The following TMEM132D variants were observed in gnomAD, a reference collection of about 807,000 sequenced individuals.
TMEM132D encodes the protein transmembrane protein 132D.
Under a neutral mutation model 62.3 loss-of-function variants are expected in TMEM132D, and 21 were observed. The observed-to-expected ratio is 0.34, with a 90% confidence interval of 0.24 to 0.49. The LOEUF (loss-of-function observed/expected upper bound fraction) is 0.49. Ranked by LOEUF, TMEM132D falls within the 20% of genes least tolerant of loss-of-function variation. The pLI is 0.99. For missense variants in TMEM132D, 1,346 were observed against 1,402.8 expected, an observed-to-expected ratio of 0.96 and a Z score of 0.65; for synonymous variants, 621 against 575.6, an observed-to-expected ratio of 1.08 and a Z score of -1.13.
chr12:129,580,848 A>T (rs1877836031), intron 2 of TMEM132D, among the ~76,000 whole-genome samples: 1 of 152,232 alleles, frequency 6.6e-6, no homozygotes. Context: ...CATGGGCAGG[A>T]GTCTGATATG....
intron 2 of TMEM132D, among the ~76,000 whole-genome samples, chr12:129,537,731 T>C (rs1028448962): frequency 6.6e-6 from 1 of 152,030 alleles, no homozygotes; most frequent in East Asian, 1.9e-4. Flanking sequence ...AGAAGAGGAA[T>C]TGGTTCACAG....
intron 8 of TMEM132D, among the ~76,000 whole-genome samples, chr12:129,076,764 C>T (rs1470806055): frequency 6.6e-6 from 1 of 152,164 alleles, no homozygotes; most frequent in Non-Finnish European, 1.5e-5. Flanking sequence ...GCAAACCAAC[C>T]ATGGAGCAAA....
At chr12:129,170,412 G>A (rs984028734) in intron 5 of TMEM132D, among the ~76,000 whole-genome samples, 3 of 152,170 alleles carry the variant, frequency 2.0e-5, no homozygotes, top group African/African-American at 7.2e-5. Context: ...AATAAAGAGA[G>A]TTACAGGAAT....
chr12:129,838,130 G>C (rs1011699610), intron 1 of TMEM132D, among the ~76,000 whole-genome samples: 1 of 152,134 alleles, frequency 6.6e-6, no homozygotes, highest in Non-Finnish European at 1.5e-5. Flanking sequence ...TACACAAACT[G>C]CTGCACTGGA....
rs369195394 is a variant in TMEM132D, at chr12:129,113,205, C to T, written c.1444-28503G>A. 4.6e-5 allele frequency: 7 copies of T among 152,182 alleles called. No individual in the cohort carries two copies. In the South Asian group the frequency reaches 8.3e-4, roughly 18 times the overall value. 9.4% of individuals were successfully genotyped at this position (152,182 alleles called of 1,614,324 possible). ...CTTTTTGACCAATTCCCATATAAAC[C>T]GCTAACTTCAGTCAGTTGGAGGGAT... On this transcript the variant is annotated intron_variant, in intron 5 of 8. Coordinates refer to ENST00000422113, the MANE Select transcript of TMEM132D (RefSeq NM_133448.3).
At chr12:129,162,791 G>A in intron 5 of TMEM132D, among the ~76,000 whole-genome samples, 1 of 152,150 alleles carries the variant, frequency 6.6e-6, no homozygotes, top group Non-Finnish European at 1.5e-5. Flanking sequence ...CATGCTTCCT[G>A]TACGGCTTGC....
intron 1 of TMEM132D, among the ~76,000 whole-genome samples, chr12:129,824,446 C>T (rs1282589850): frequency 2.0e-5 from 3 of 152,060 alleles, no homozygotes; most frequent in South Asian, 2.1e-4. Context: ...CCCTCCCCCG[C>T]CCCCAGAATT....
chr12:129,798,992 G>T (rs983727904), intron 1 of TMEM132D, among the ~76,000 whole-genome samples: 1 of 152,218 alleles, frequency 6.6e-6, no homozygotes, highest in Non-Finnish European at 1.5e-5. Flanking sequence ...TCGGCCGGAC[G>T]CAGTGGCTCA....
At chr12:129,103,396 C>T (rs117770383) in intron 5 of TMEM132D, among the ~76,000 whole-genome samples, 26 of 152,338 alleles carry the variant, frequency 1.7e-4, no homozygotes, top group Non-Finnish European at 1.5e-4. Flanking sequence ...CATGCCCCCA[C>T]CTCGGAGGCC....
At chr12:129,260,339 G>A (rs181987583) in intron 4 of TMEM132D, among the ~76,000 whole-genome samples, 2 of 152,230 alleles carry the variant, frequency 1.3e-5, no homozygotes. Flanking sequence ...CGGCACCCTG[G>A]ACAGCATTGG....
chr12:129,361,881 C>T (rs1304766877), intron 3 of TMEM132D, among the ~76,000 whole-genome samples: 1 of 152,126 alleles, frequency 6.6e-6, no homozygotes, highest in Non-Finnish European at 1.5e-5. Flanking sequence ...TTTGGCACTT[C>T]AAAACACGCG....
At chr12:129,494,798 C>A (rs899696088) in intron 3 of TMEM132D, among the ~76,000 whole-genome samples, 2 of 152,128 alleles carry the variant, frequency 1.3e-5, no homozygotes, top group African/African-American at 4.8e-5. Flanking sequence ...CAATCCTTAC[C>A]TACCTCTCTG....
intron 5 of TMEM132D, among the ~76,000 whole-genome samples, chr12:129,123,884 C>T (rs561153295): frequency 6.6e-5 from 10 of 152,270 alleles, no homozygotes; most frequent in Non-Finnish European, 1.3e-4. Flanking sequence ...ATTCAGAATG[C>T]GAGTTACACC....
At chr12:129,761,766 A>G (rs1870387004) in intron 1 of TMEM132D, among the ~76,000 whole-genome samples, 2 of 151,946 alleles carry the variant, frequency 1.3e-5, no homozygotes, top group South Asian at 2.1e-4. Flanking sequence ...TTAACTTCCA[A>G]CTTCTGTTGG....
chr12:129,306,064 T>G (rs1161384588), intron 4 of TMEM132D, among the ~76,000 whole-genome samples: 1 of 152,056 alleles, frequency 6.6e-6, no homozygotes, highest in Non-Finnish European at 1.5e-5. Flanking sequence ...CTCAGAGAAG[T>G]GGTTCTGTTG....
chr12:129,754,005 G>C (rs1036166863), intron 1 of TMEM132D, among the ~76,000 whole-genome samples: 1 of 152,056 alleles, frequency 6.6e-6, no homozygotes, highest in African/African-American at 2.4e-5. Flanking sequence ...AGCAACTTTG[G>C]CTTTTGAGTT....
At chr12:129,823,307 A>T (rs1310887952) in intron 1 of TMEM132D, among the ~76,000 whole-genome samples, 1 of 152,198 alleles carries the variant, frequency 6.6e-6, no homozygotes, top group East Asian at 1.9e-4. Flanking sequence ...GGCCTAACAC[A>T]GTTGTTTTTG....
At chr12:129,453,136 T>C (rs75706750) in intron 3 of TMEM132D, among the ~76,000 whole-genome samples, 74 of 152,342 alleles carry the variant, frequency 4.9e-4, no homozygotes, top group African/African-American at 1.7e-3. Flanking sequence ...CATAATCTAA[T>C]GATAAATGTA....
intron 2 of TMEM132D, among the ~76,000 whole-genome samples, chr12:129,539,232 G>A (rs1370371835): frequency 3.8e-5 from 5 of 132,312 alleles, no homozygotes; most frequent in African/African-American, 6.4e-5. Flanking sequence ...GTTTATTTCC[G>A]GATTTTTTTT....
Sources: gnomAD v4.1 joint callset for allele counts (sites outside exome capture counted in the v4.1 genomes callset) on GRCh38, gnomAD v4.1.1 for gene constraint, MANE v1.5 for transcripts, NCBI Gene and HGNC (gene_info 2026-07-23, HGNC 2026-07-21) for gene names.